Variants in ADAMTS3 observed in about 807,000 individuals in gnomAD.
ADAMTS3 encodes ADAM metallopeptidase with thrombospondin type 1 motif 3, also known as A disintegrin and metalloproteinase with thrombospondin motifs 3.
In ADAMTS3, 73 loss-of-function variants were observed where a neutral mutation model predicts 129.0. That is an observed-to-expected ratio of 0.57 (90% confidence interval 0.47 to 0.69). The LOEUF (loss-of-function observed/expected upper bound fraction) is 0.69. ADAMTS3 is among the 30% of genes least tolerant of loss of function. ADAMTS3 has a pLI of 0.00. For missense variants in ADAMTS3, 1,457 were observed against 1,514.5 expected, an observed-to-expected ratio of 0.96 and a Z score of 0.63; for synonymous variants, 477 against 510.8, an observed-to-expected ratio of 0.93 and a Z score of 0.89.
chr4:72,536,373 T>C (rs1721185731), intron 3 of ADAMTS3, among the ~76,000 whole-genome samples: 1 of 152,216 alleles, frequency 6.6e-6, no homozygotes. Context: ...GTTCTAATTT[T>C]GTGGAAGACT....
chr4:72,300,815 A>G (rs554503172), intron 17 of ADAMTS3, among the ~76,000 whole-genome samples: 50 of 152,284 alleles, frequency 3.3e-4, no homozygotes, highest in African/African-American at 1.2e-3. Flanking sequence ...GTGGTAAAGA[A>G]TCATGGACTG....
chr4:72,472,761 T>C (rs893067242), intron 3 of ADAMTS3, among the ~76,000 whole-genome samples: 1 of 152,110 alleles, frequency 6.6e-6, no homozygotes, highest in Non-Finnish European at 1.5e-5. Context: ...ATAGTCAAAA[T>C]GAAGGGTAAA....
intron 3 of ADAMTS3, among the ~76,000 whole-genome samples, chr4:72,541,989 T>A (rs1721343253): frequency 6.6e-6 from 1 of 152,214 alleles, no homozygotes; most frequent in Non-Finnish European, 1.5e-5. Context: ...TAACTTTTAA[T>A]TAGAAAGTAT....
At chr4:72,502,132 A>G (rs1451944460) in intron 3 of ADAMTS3, among the ~76,000 whole-genome samples, 1 of 152,108 alleles carries the variant, frequency 6.6e-6, no homozygotes, top group East Asian at 1.9e-4. Flanking sequence ...GCTTTATAGA[A>G]TGAGTTAGGG....
intron 5 of ADAMTS3, among the ~76,000 whole-genome samples, chr4:72,333,948 T>C (rs1035833772): frequency 2.2e-5 from 3 of 139,118 alleles, no homozygotes; most frequent in Admixed American, 8.2e-5. Context: ...CTCCAGGGTT[T>C]ACTTACACCA....
intron 3 of ADAMTS3, among the ~76,000 whole-genome samples, chr4:72,433,120 A>G (rs1722737886): frequency 6.6e-6 from 1 of 151,960 alleles, no homozygotes; most frequent in African/African-American, 2.4e-5. Context: ...TATGATGGAA[A>G]AAACAAGCTT....
intron 2 of ADAMTS3, among the ~76,000 whole-genome samples, chr4:72,550,276 T>C (rs1219103351): frequency 6.6e-6 from 1 of 151,974 alleles, no homozygotes; most frequent in Non-Finnish European, 1.5e-5. Flanking sequence ...CATCCAATAA[T>C]GTATTTAGAG....
chr4:72,416,926 G>A (rs1398973933), intron 3 of ADAMTS3, among the ~76,000 whole-genome samples: 1 of 152,104 alleles, frequency 6.6e-6, no homozygotes, highest in Non-Finnish European at 1.5e-5. Context: ...AATGTATAAG[G>A]ATAAAATGTT....
intron 3 of ADAMTS3, among the ~76,000 whole-genome samples, chr4:72,507,740 C>T (rs1348982780): frequency 6.6e-6 from 1 of 152,092 alleles, no homozygotes; most frequent in African/African-American, 2.4e-5. Context: ...TCCATGAAAC[C>T]CTTTCAGATT....
chr4:72,393,317 A>T (rs779747141), intron 4 of ADAMTS3, among the ~76,000 whole-genome samples: 24 of 152,164 alleles, frequency 1.6e-4, no homozygotes, highest in Non-Finnish European at 2.4e-4. Context: ...CTGCTGTGGG[A>T]TATTATATAG....
At chr4:72,412,262 C>G (rs1213662297) in intron 4 of ADAMTS3, among the ~76,000 whole-genome samples, 1 of 151,970 alleles carries the variant, frequency 6.6e-6, no homozygotes, top group African/African-American at 2.4e-5. Flanking sequence ...TTAAGAAAGA[C>G]CTCATATGTT....
At chr4:72,285,763 TACAGGCAAAAAA>T (rs1327479475) in intron 21 of ADAMTS3, among the ~76,000 whole-genome samples, 1 of 124,992 alleles carries the variant, frequency 8.0e-6, no homozygotes, top group East Asian at 2.4e-4. Context: ...GAGAAGAGCT[TACAGGCAAAAAA>T]AAAAAAAAAA....
chr4:72,370,161 A>C (rs950557539), intron 4 of ADAMTS3, among the ~76,000 whole-genome samples: 8 of 152,162 alleles, frequency 5.3e-5, no homozygotes, highest in Non-Finnish European at 7.3e-5. Context: ...AGTCATGCCA[A>C]ACAACTCATT....
intron 3 of ADAMTS3, among the ~76,000 whole-genome samples, chr4:72,436,457 A>C (rs1468630834): frequency 6.6e-6 from 1 of 152,160 alleles, no homozygotes; most frequent in Non-Finnish European, 1.5e-5. Context: ...GCGATTCCTC[A>C]AGGATCTAGA....
intron 4 of ADAMTS3, among the ~76,000 whole-genome samples, chr4:72,400,833 G>GTA (rs888578788): frequency 1.3e-4 from 20 of 151,058 alleles, no homozygotes; most frequent in Admixed American, 8.6e-4. Flanking sequence ...CACATGGTGT[G>GTA]TATATATATG....
In ADAMTS3 at chr4:72,508,464, A is replaced by G. The variant is rs949963872; in HGVS notation, c.504+40014T>C. Reference sequence around the variant, plus strand: ...TTTTACATTAGGAAGATGAGTCAAAAAAGGATTTAAATGAGTTTCTGATTT... The same window carrying G: ...TTTTACATTAGGAAGATGAGTCAAAGAAGGATTTAAATGAGTTTCTGATTT... On this transcript the variant is annotated intron_variant, in intron 3 of 21. Transcript: ENST00000286657. Among the ~76,000 whole-genome samples, 3 of 152,148 alleles carry G rather than the reference A, an allele frequency of 2.0e-5. No individual in the cohort carries two copies. In the South Asian group the frequency reaches 6.2e-4, roughly 31 times the overall value.
At chr4:72,452,642 G>A (rs1718436613) in intron 3 of ADAMTS3, among the ~76,000 whole-genome samples, 1 of 151,726 alleles carries the variant, frequency 6.6e-6, no homozygotes, top group African/African-American at 2.4e-5. Context: ...ACTGGACTGG[G>A]TCACTACAGC....
At chr4:72,409,455 A>T (rs1051730896) in intron 4 of ADAMTS3, among the ~76,000 whole-genome samples, 1 of 152,054 alleles carries the variant, frequency 6.6e-6, no homozygotes, top group Non-Finnish European at 1.5e-5. Context: ...CATATTTAAA[A>T]CCTCCCAGTT....
chr4:72,305,236 A>C (rs1303587638), intron 16 of ADAMTS3, among the ~76,000 whole-genome samples: 1 of 152,048 alleles, frequency 6.6e-6, no homozygotes, highest in Non-Finnish European at 1.5e-5. Context: ...AGAAAAAAAA[A>C]TCTTCTTGTG....
Sources: allele counts gnomAD v4.1 joint callset (sites outside exome capture counted in the v4.1 genomes callset), GRCh38; gene constraint gnomAD v4.1.1; transcripts MANE v1.5; gene names NCBI Gene and HGNC (gene_info 2026-07-23, HGNC 2026-07-21).